The following TGFA variants were observed in gnomAD, a reference collection of about 807,000 sequenced individuals.
TGFA encodes the protein transforming growth factor alpha.
Under a neutral mutation model 21.7 loss-of-function variants are expected in TGFA, and 12 were observed. That is an observed-to-expected ratio of 0.55 (90% CI 0.35 to 0.90). The LOEUF (loss-of-function observed/expected upper bound fraction) is 0.90. TGFA is among the 40% of genes least tolerant of loss of function. TGFA has a pLI of 0.01. For missense variants in TGFA, 178 were observed against 210.8 expected (o/e 0.84, Z 0.96); for synonymous variants, 79 against 88.1 (o/e 0.90, Z 0.58).
chr2:70,507,209 G>A (rs1305960208), intron 2 of TGFA, among the ~76,000 whole-genome samples: 2 of 152,238 alleles, frequency 1.3e-5, no homozygotes, highest in South Asian at 2.1e-4. Context: ...CTGCAAGGCC[G>A]AGGCAGCCTG....
intron 2 of TGFA, among the ~76,000 whole-genome samples, chr2:70,490,199 T>C (rs1269865277): frequency 6.6e-6 from 1 of 152,202 alleles, no homozygotes; most frequent in Non-Finnish European, 1.5e-5. Flanking sequence ...TAGCAAAATT[T>C]ATTGAAAATA....
chr2:70,522,576 G>GGT (rs1326887531), intron 1 of TGFA, among the ~76,000 whole-genome samples: 1 of 152,070 alleles, frequency 6.6e-6, no homozygotes, highest in Non-Finnish European at 1.5e-5. Flanking sequence ...CTGGGATACA[G>GGT]GTGTGTGTCA....
At chr2:70,494,794 C>A (rs528753572) in intron 2 of TGFA, among the ~76,000 whole-genome samples, 1 of 152,148 alleles carries the variant, frequency 6.6e-6, no homozygotes, top group African/African-American at 2.4e-5. Flanking sequence ...CTTGCCTATT[C>A]CAATAATTTG....
chr2:70,553,732 A>G lies in TGFA; in HGVS notation c.36T>C (p.Ala12=), dbSNP rs1488065293. The change falls in exon 1 of 6, where the codon GCT becomes GCC. Residue 12 remains alanine, a synonymous_variant. Transcript: ENST00000295400. ...VPSAGQLALF[A]LGIVLAACQA... The stretch of plus-strand genomic sequence containing the variant: ...CGCCGCAGCCGGCGTACGTACCCAG[A>G]GCGAACAGGGCGAGCTGTCCAGCCG... 28 of 1,332,716 alleles carry G rather than the reference A, an allele frequency of 2.1e-5. No individual in the cohort carries two copies. The highest frequency in any genetic ancestry group is 4.6e-5 in the African/African-American group (3 of 65,756). 82.6% of individuals were successfully genotyped at this position (1,332,716 alleles called of 1,614,324 possible).
At chr2:70,553,669 G>A (rs1673587366) in intron 1 of TGFA, 59 bp downstream of exon 1, 17 of 1,335,862 alleles carry the variant, frequency 1.3e-5, no homozygotes, top group Non-Finnish European at 1.6e-5. Flanking sequence ...GAACTCGGCG[G>A]GGACCGGGGG....
At chr2:70,524,146 T>C (rs1249611079) in intron 1 of TGFA, among the ~76,000 whole-genome samples, 3 of 152,212 alleles carry the variant, frequency 2.0e-5, no homozygotes, top group Admixed American at 2.0e-4. Context: ...CAAAGCCTTA[T>C]AGAATAAGGC....
chr2:70,552,214 TATA>T (rs1553506920), intron 1 of TGFA, among the ~76,000 whole-genome samples: 1 of 152,206 alleles, frequency 6.6e-6, no homozygotes, highest in African/African-American at 2.4e-5. Context: ...TCCTCTGCTA[TATA>T]ATGAGAATAA....
chr2:70,539,913 T>C (rs781784676), intron 1 of TGFA, among the ~76,000 whole-genome samples: 2 of 152,236 alleles, frequency 1.3e-5, no homozygotes, highest in South Asian at 4.1e-4. Flanking sequence ...CATGGCATAC[T>C]CTACACTAGT....
At chr2:70,486,619 A>T (rs1480248982) in intron 2 of TGFA, among the ~76,000 whole-genome samples, 2 of 151,828 alleles carry the variant, frequency 1.3e-5, no homozygotes, top group African/African-American at 4.8e-5. Flanking sequence ...GCGCTACCAC[A>T]CCAGGCTACT....
At chr2:70,515,328 C>T (rs568892501) in intron 1 of TGFA, among the ~76,000 whole-genome samples, 6 of 152,098 alleles carry the variant, frequency 3.9e-5, no homozygotes, top group Non-Finnish European at 8.8e-5. Context: ...TTGTTCATGT[C>T]ATCATGTTTG....
At chr2:70,500,792 T>C (rs1214545857) in intron 2 of TGFA, among the ~76,000 whole-genome samples, 1 of 152,196 alleles carries the variant, frequency 6.6e-6, no homozygotes, top group Non-Finnish European at 1.5e-5. Flanking sequence ...AGGAACTCCT[T>C]GTGTAGGCTT....
intron 1 of TGFA, among the ~76,000 whole-genome samples, chr2:70,527,425 C>T (rs548016605): frequency 3.3e-4 from 50 of 152,094 alleles, no homozygotes; most frequent in Non-Finnish European, 6.2e-4. Flanking sequence ...TCAGTAGTTG[C>T]CAGGGGCTTG....
intron 2 of TGFA, among the ~76,000 whole-genome samples, chr2:70,486,313 C>T (rs1451811121): frequency 3.9e-5 from 6 of 152,222 alleles, no homozygotes; most frequent in African/African-American, 1.2e-4. Context: ...CTCCTTCCAT[C>T]CGTGTCTGAG....
At chr2:70,522,610 T>A (rs960468603) in intron 1 of TGFA, among the ~76,000 whole-genome samples, 3 of 152,068 alleles carry the variant, frequency 2.0e-5, no homozygotes, top group Non-Finnish European at 4.4e-5. Context: ...ATTTTTTATA[T>A]TTTTGGTACA....
intron 4 of TGFA, 130 bp from the exon 5 acceptor site, chr2:70,453,457 G>T (rs1574064613): frequency 1.4e-6 from 1 of 696,572 alleles, no homozygotes; most frequent in East Asian, 2.6e-5. Context: ...CCCCATGGGG[G>T]CTTCTAGAGG....
At chr2:70,471,337 G>T (rs1670743214) in intron 2 of TGFA, among the ~76,000 whole-genome samples, 1 of 152,086 alleles carries the variant, frequency 6.6e-6, no homozygotes, top group Non-Finnish European at 1.5e-5. Context: ...GGGAGGAGTG[G>T]GTCAAACCAC....
intron 1 of TGFA, among the ~76,000 whole-genome samples, chr2:70,524,189 C>T (rs1672562520): frequency 6.6e-6 from 1 of 152,206 alleles, no homozygotes; most frequent in African/African-American, 2.4e-5. Flanking sequence ...AGAGAACCCT[C>T]TCTCATAAAG....
chr2:70,534,387 G>T (rs1672910585), intron 1 of TGFA, among the ~76,000 whole-genome samples: 1 of 152,186 alleles, frequency 6.6e-6, no homozygotes, highest in African/African-American at 2.4e-5. Context: ...GGGAAATGTT[G>T]GTGGGGAGGT....
intron 1 of TGFA, among the ~76,000 whole-genome samples, chr2:70,515,766 T>C (rs1400359953): frequency 2.0e-5 from 3 of 152,022 alleles, no homozygotes; most frequent in Non-Finnish European, 4.4e-5. Context: ...CTGCCAGGGA[T>C]AGATCATGGC....
Sources: allele counts gnomAD v4.1 joint callset (sites outside exome capture counted in the v4.1 genomes callset), GRCh38; gene constraint gnomAD v4.1.1; transcripts MANE v1.5; gene names NCBI Gene and HGNC (gene_info 2026-07-23, HGNC 2026-07-21).